The following MTBP variants were observed in gnomAD, a reference collection of about 807,000 sequenced individuals.
MTBP encodes MDM2 binding protein.
A neutral mutation model predicts 117.0 loss-of-function variants in MTBP; 101 were observed. The observed-to-expected ratio is 0.86, with a 90% confidence interval of 0.73 to 1.02. The LOEUF is 1.02. MTBP is among the 50% of genes least tolerant of loss of function. The pLI, the probability that MTBP is intolerant of heterozygous loss-of-function variation, is 0.00. For synonymous variants in MTBP, 350 were observed against 351.5 expected (o/e 1.00, Z 0.05); for missense variants, 970 against 1,030.9 (o/e 0.94, Z 0.81).
In MTBP at chr8:120,522,688, TGAA is replaced by T. The variant is rs1563808537; in HGVS notation, c.2649_2651del (p.Lys884del). The stretch of plus-strand genomic sequence containing the variant: ...ACTTCAAGGGGTCTATTTGAAGAAA[TGAA>T]GAAAACAGCAAACAACAATGCTGTA... On this transcript the variant is annotated inframe_deletion, in exon 21 of 22. Transcript: ENST00000305949. 1 of 1,606,988 alleles carries T rather than the reference TGAA, an allele frequency of 6.2e-7. No individual in the cohort carries two copies. The highest frequency in any genetic ancestry group is 1.7e-5 in the Admixed American group (1 of 59,522).
chr8:120,480,310 T>C (rs145911422), intron 11 of MTBP, among the ~76,000 whole-genome samples: 2,078 of 151,542 alleles, frequency 0.014, 42 homozygotes, highest in African/African-American at 0.046. Context: ...CTCTGGAGAC[T>C]GAGGCAGGAG....
chr8:120,522,828 A>G, intron 21 of MTBP, 109 bp downstream of exon 21: 1 of 759,368 alleles, frequency 1.3e-6, no homozygotes, highest in Non-Finnish European at 2.1e-6. Context: ...GGTCTTTTTC[A>G]ACTCTGTCCC....
chr8:120,467,800 AATT>A (rs1194653499), intron 10 of MTBP, among the ~76,000 whole-genome samples: 2 of 152,130 alleles, frequency 1.3e-5, no homozygotes, highest in African/African-American at 4.8e-5. Context: ...TTTTGTAGGG[AATT>A]ATAGTTTGTG....
intron 11 of MTBP, among the ~76,000 whole-genome samples, chr8:120,478,072 C>A (rs915519207): frequency 6.6e-6 from 1 of 152,136 alleles, no homozygotes; most frequent in African/African-American, 2.4e-5. Flanking sequence ...ACTACGCAGC[C>A]ATAAAAAAGA....
intron 5 of MTBP, 86 bp downstream of exon 5, chr8:120,453,991 T>A (rs907961559): frequency 2.0e-5 from 15 of 743,400 alleles, no homozygotes; most frequent in Non-Finnish European, 3.2e-5. Flanking sequence ...TTTATGTTAG[T>A]GTTCTCACTC....
rs183029011 is a variant in MTBP, at chr8:120,484,167, T to C, written c.1166-3992T>C. On this transcript the variant is annotated intron_variant, in intron 11 of 21. Transcript: ENST00000305949. ...GAAAGAATGTCATAGATTGAAGATA[T>C]ATATATAAGTTGAATCAGCAAGCAG... Among the ~76,000 whole-genome samples, 346 of 152,240 alleles carry C rather than the reference T, an allele frequency of 2.3e-3. 2 individuals carry two copies. The highest frequency in any genetic ancestry group is 7.6e-3 in the African/African-American group (315 of 41,576).
rs529684278 is a variant in MTBP at position 120,460,701 on chromosome 8, A to AT, written c.883-450dup. ...TAATTTATTTAGTCTTTTCACTAGA[A>AT]TTTTTTTTTTCTAAATGTCAGTGTA... On this transcript the variant is annotated intron_variant, in intron 8 of 21. Coordinates refer to ENST00000305949, the MANE Select transcript of MTBP (RefSeq NM_022045.5). Among the ~76,000 whole-genome samples, 453 of 150,506 alleles carry AT rather than the reference A, an allele frequency of 3.0e-3. 1 individual carries two copies. Among genetic ancestry groups the AT allele is most frequent in the African/African-American group, 9.8e-3 (401 of 41,110 alleles).
chr8:120,474,169 T>C (rs966362509), intron 11 of MTBP, among the ~76,000 whole-genome samples: 19 of 152,024 alleles, frequency 1.2e-4, no homozygotes, highest in African/African-American at 4.3e-4. Context: ...TTGTGAATAA[T>C]AATAAGACAC....
At chr8:120,509,730 G>A (rs79673858) in intron 16 of MTBP, among the ~76,000 whole-genome samples, 1,991 of 152,210 alleles carry the variant, frequency 0.013, 37 homozygotes, top group African/African-American at 0.045. Flanking sequence ...AACTTATTGA[G>A]GTACAGAAAA....
At position 120,475,048 on chromosome 8, in the gene MTBP, A is replaced by G. The variant is rs538646588; in HGVS notation, c.1165+4111A>G. 3.9e-5 allele frequency among the ~76,000 whole-genome samples: 6 copies of G among 152,226 alleles called. No individual in the cohort carries two copies. The South Asian group carries it at 1.2e-3, about 32-fold the overall frequency. ...TAGGCACTGTTTTACATGCTGGACAAGCAGTAAATAGAACAAAATCCTTTC... is the reference window on the plus strand; with the variant it reads ...TAGGCACTGTTTTACATGCTGGACAGGCAGTAAATAGAACAAAATCCTTTC... On this transcript the variant is annotated intron_variant, in intron 11 of 21. Coordinates refer to ENST00000305949, the MANE Select transcript of MTBP (RefSeq NM_022045.5).
chr8:120,458,785 T>G (rs1813522186), intron 7 of MTBP, among the ~76,000 whole-genome samples: 2 of 150,048 alleles, frequency 1.3e-5, no homozygotes, highest in East Asian at 2.0e-4. Flanking sequence ...AGATTGCAGT[T>G]AGGCAAGATT....
chr8:120,522,800 C>CCAGTA (rs1299495216), intron 21 of MTBP, 81 bp downstream of exon 21: 13 of 1,018,568 alleles, frequency 1.3e-5, no homozygotes, highest in Non-Finnish European at 1.6e-5. Context: ...ATTATATATG[C>CCAGTA]AGCAGTAATC....
chr8:120,458,961 G>C (rs1464590384), intron 7 of MTBP, among the ~76,000 whole-genome samples: 1 of 152,044 alleles, frequency 6.6e-6, no homozygotes, highest in African/African-American at 2.4e-5. Context: ...TCCTGTGGCT[G>C]CATAGAATGA....
intron 11 of MTBP, among the ~76,000 whole-genome samples, chr8:120,476,705 G>T (rs1259843800): frequency 6.6e-6 from 1 of 151,100 alleles, no homozygotes; most frequent in East Asian, 1.9e-4. Context: ...GGGCTGTGAA[G>T]GACCTTTTCA....
Position 120,453,906 on chromosome 8 carries a change from G to A in MTBP, c.484+1G>A. 2 of 1,547,416 alleles carry A rather than the reference G, an allele frequency of 1.3e-6. No individual in the cohort carries two copies. The highest frequency in any genetic ancestry group is 8.8e-7 in the Non-Finnish European group (1 of 1,135,234). Reference sequence around the variant, plus strand: ...CTGTCAGACAAGCTTCCTGCTCCTGGTAATATTTTATGACTGCTTTCAATA... The same window carrying A: ...CTGTCAGACAAGCTTCCTGCTCCTGATAATATTTTATGACTGCTTTCAATA... On this transcript the variant is annotated splice_donor_variant, in intron 5 of 21. Transcript: ENST00000305949. LOFTEE classifies it high-confidence loss of function.
intron 18 of MTBP, 51 bp from the exon 19 acceptor site, chr8:120,517,800 G>T: frequency 6.5e-7 from 1 of 1,537,140 alleles, no homozygotes; most frequent in East Asian, 2.3e-5. Flanking sequence ...AATGAACTTC[G>T]ATGTTGATTC....
intron 18 of MTBP, 108 bp from the exon 19 acceptor site, chr8:120,517,743 C>A: frequency 8.9e-7 from 1 of 1,122,180 alleles, no homozygotes; most frequent in South Asian, 1.6e-5. Context: ...AAATGAACTT[C>A]GATGTTGATT....
chr8:120,496,903 C>G (rs1270531009), intron 13 of MTBP, among the ~76,000 whole-genome samples: 1 of 152,194 alleles, frequency 6.6e-6, no homozygotes, highest in Non-Finnish European at 1.5e-5. Flanking sequence ...CTCTGCTTTG[C>G]AGACTCCGTT....
chr8:120,516,079 T>A lies in MTBP; in HGVS notation c.2134T>A (p.Ser712Thr), dbSNP rs558615508. 12 of 1,613,116 alleles carry A rather than the reference T, an allele frequency of 7.4e-6. No homozygotes were observed. The African/African-American group carries it at 1.3e-4, about 18-fold the overall frequency. Residue 712 changes from serine (S) to threonine (T), a missense_variant, in exon 18 of 22, where the codon TCA becomes ACA. Coordinates refer to ENST00000305949, the MANE Select transcript of MTBP (RefSeq NM_022045.5). ...LSPLPSPVVS[S>T]DPGSVPDGEV... ...CCCTCTTCCATCTCCTGTAGTTTCG[T>A]CAGATCCTGGAAGTGTCCCTGACGG... is the stretch of plus-strand genomic sequence containing the variant.
Sources: allele counts gnomAD v4.1 joint callset (sites outside exome capture counted in the v4.1 genomes callset), GRCh38; gene constraint gnomAD v4.1.1; transcripts MANE v1.5; gene names NCBI Gene and HGNC (gene_info 2026-07-23, HGNC 2026-07-21).